WWOX: variants seen among roughly 807,000 people sequenced by gnomAD.
The protein encoded by WWOX is WW domain containing oxidoreductase.
WWOX carries 69 observed loss-of-function variants against 46.2 expected under a neutral mutation model. The observed-to-expected ratio is 1.49, with a 90% CI of 1.23 to 1.82. The LOEUF is 1.82. WWOX is among the 40% of genes most tolerant of loss of function. WWOX has a pLI of 0.00. For synonymous variants in WWOX, 359 were observed against 202.6 expected, an observed-to-expected ratio of 1.77 and a Z score of -6.56; for missense variants, 919 against 542.6, an observed-to-expected ratio of 1.69 and a Z score of -6.89.
rs116173308 is a variant in WWOX at position 79,030,199 on chromosome 16, G to T, written c.1057-181409G>T. Among the ~76,000 whole-genome samples the T allele has an allele frequency of 2.4e-3, 371 of 152,296 alleles. 1 individual carries two copies. Among genetic ancestry groups the T allele is most frequent in the African/African-American group, 8.4e-3 (349 of 41,558 alleles). ...AGCCATTGGTTAAAAATGCATGTCTGTTAGGACATTGTAATTATTTTGTAT... is the reference window on the plus strand; with the variant it reads ...AGCCATTGGTTAAAAATGCATGTCTTTTAGGACATTGTAATTATTTTGTAT... On this transcript the variant is annotated intron_variant, in intron 8 of 8. Transcript: ENST00000566780.
chr16:78,388,644 TCAAAAAAAAAA>T (rs2082110304), intron 6 of WWOX, among the ~76,000 whole-genome samples: 1 of 19,432 alleles, frequency 5.1e-5, no homozygotes, highest in Non-Finnish European at 8.0e-5. Flanking sequence ...AGACTCCGTC[TCAAAAAAAAAA>T]AAAAAAAAAA....
intron 8 of WWOX, among the ~76,000 whole-genome samples, chr16:78,585,485 A>G (rs1038581327): frequency 8.5e-5 from 13 of 152,110 alleles, no homozygotes; most frequent in African/African-American, 3.1e-4. Context: ...TTCACTGGCC[A>G]AAGTACTTGG....
intron 8 of WWOX, among the ~76,000 whole-genome samples, chr16:78,635,372 A>G (rs1273652488): frequency 1.3e-5 from 2 of 152,148 alleles, no homozygotes; most frequent in Admixed American, 1.3e-4. Flanking sequence ...GATCCTGATT[A>G]GGGGACCTCT....
At chr16:78,734,429 C>T (rs2049036030) in intron 8 of WWOX, among the ~76,000 whole-genome samples, 1 of 152,166 alleles carries the variant, frequency 6.6e-6, no homozygotes, top group African/African-American at 2.4e-5. Context: ...ATGTTTGTTG[C>T]ATGAATCAAC....
intron 8 of WWOX, among the ~76,000 whole-genome samples, chr16:78,620,819 G>A (rs547457510): frequency 6.6e-6 from 1 of 152,122 alleles, no homozygotes; most frequent in African/African-American, 2.4e-5. Context: ...ACATACTTTT[G>A]GATATGGATT....
chr16:78,940,382 T>C (rs974833891), intron 8 of WWOX, among the ~76,000 whole-genome samples: 1 of 152,238 alleles, frequency 6.6e-6, no homozygotes, highest in Non-Finnish European at 1.5e-5. Flanking sequence ...ATGGGGTTAC[T>C]TCCCATCTTA....
intron 5 of WWOX, among the ~76,000 whole-genome samples, chr16:78,367,324 C>G (rs987796873): frequency 4.6e-5 from 7 of 152,160 alleles, no homozygotes; most frequent in African/African-American, 1.7e-4. Context: ...GTTCAACCTG[C>G]AGCCTGTGGG....
intron 8 of WWOX, among the ~76,000 whole-genome samples, chr16:78,533,248 T>C (rs2043668064): frequency 6.6e-6 from 1 of 151,994 alleles, no homozygotes; most frequent in African/African-American, 2.4e-5. Context: ...GGAAGGAAAA[T>C]TAGAAAACTT....
intron 8 of WWOX, among the ~76,000 whole-genome samples, chr16:78,779,122 A>T (rs975171127): frequency 3.9e-5 from 6 of 152,154 alleles, no homozygotes; most frequent in Non-Finnish European, 7.3e-5. Context: ...CAGTGTTGGA[A>T]AACATAAATG....
intron 6 of WWOX, among the ~76,000 whole-genome samples, chr16:78,420,365 C>T (rs965201356): frequency 6.6e-6 from 1 of 152,008 alleles, no homozygotes; most frequent in Admixed American, 6.6e-5. Flanking sequence ...GGAAACAATC[C>T]AAATATCCAT....
At chr16:78,653,451 C>G (rs1421720013) in intron 8 of WWOX, among the ~76,000 whole-genome samples, 1 of 152,178 alleles carries the variant, frequency 6.6e-6, no homozygotes, top group Non-Finnish European at 1.5e-5. Context: ...GTGTTCCTTG[C>G]CAGTGATTGG....
intron 8 of WWOX, among the ~76,000 whole-genome samples, chr16:78,859,471 A>C (rs531367332): frequency 6.6e-6 from 1 of 152,294 alleles, no homozygotes; most frequent in East Asian, 1.9e-4. Context: ...CAGTGTTAAA[A>C]ATTAATTAAA....
intron 8 of WWOX, among the ~76,000 whole-genome samples, chr16:78,979,587 A>G (rs1187719197): frequency 2.6e-5 from 4 of 152,158 alleles, no homozygotes; most frequent in African/African-American, 7.2e-5. Flanking sequence ...GGTTCCACCC[A>G]GAGAGGAGAG....
intron 8 of WWOX, among the ~76,000 whole-genome samples, chr16:78,935,254 G>T (rs912565377): frequency 2.0e-5 from 3 of 152,138 alleles, no homozygotes; most frequent in African/African-American, 7.2e-5. Context: ...CCATTACTGG[G>T]TATATACCCA....
At chr16:78,407,222 T>G (rs1381653426) in intron 6 of WWOX, among the ~76,000 whole-genome samples, 2 of 152,198 alleles carry the variant, frequency 1.3e-5, no homozygotes, top group East Asian at 3.9e-4. Flanking sequence ...ACTAAGAAGT[T>G]TCTTAGAAGA....
intron 8 of WWOX, among the ~76,000 whole-genome samples, chr16:78,903,263 C>T (rs1034294907): frequency 2.0e-5 from 3 of 152,194 alleles, no homozygotes; most frequent in Non-Finnish European, 4.4e-5. Flanking sequence ...AGCAACCAAT[C>T]AGAGGCTGAA....
intron 8 of WWOX, among the ~76,000 whole-genome samples, chr16:78,849,066 A>G (rs73579325): frequency 1.8e-4 from 27 of 152,286 alleles, no homozygotes; most frequent in Middle Eastern, 6.8e-3. Context: ...ACTGTTGACA[A>G]TCTTGCCACA....
chr16:78,107,810 A>C (rs1018301343), intron 1 of WWOX, among the ~76,000 whole-genome samples: 2 of 152,208 alleles, frequency 1.3e-5, no homozygotes, highest in Non-Finnish European at 2.9e-5. Flanking sequence ...ATTCTTTAAA[A>C]AGAAACACAA....
intron 7 of WWOX, among the ~76,000 whole-genome samples, chr16:78,432,211 A>T (rs1474598392): frequency 6.7e-6 from 1 of 150,264 alleles, no homozygotes; most frequent in African/African-American, 2.5e-5. Flanking sequence ...TCTGCCTCCC[A>T]TGTTTCAGTG....
Sources: gnomAD v4.1 joint callset for allele counts (sites outside exome capture counted in the v4.1 genomes callset) on GRCh38, gnomAD v4.1.1 for gene constraint, MANE v1.5 for transcripts, NCBI Gene and HGNC (gene_info 2026-07-23, HGNC 2026-07-21) for gene names.